Variants in R3HCC1L observed in about 807,000 individuals in gnomAD.
The protein encoded by R3HCC1L is R3H domain and coiled-coil containing 1 like, also known as coiled-coil domain-containing protein R3HCC1L.
A neutral mutation model predicts 59.9 loss-of-function variants in R3HCC1L; 51 were observed. That is an observed-to-expected ratio of 0.85 (90% CI 0.68 to 1.07). The LOEUF (loss-of-function observed/expected upper bound fraction) is 1.07, where lower values mean the gene tolerates loss of function less well. R3HCC1L is among the 50% of genes least tolerant of loss of function. The pLI is 0.00. For synonymous variants in R3HCC1L, 322 were observed against 315.2 expected (o/e 1.02, Z -0.23); for missense variants, 965 against 933.0 (o/e 1.03, Z -0.45).
intron 4 of R3HCC1L, among the ~76,000 whole-genome samples, chr10:98,196,582 A>G (rs1564677446): frequency 6.6e-6 from 1 of 151,982 alleles, no homozygotes; most frequent in Non-Finnish European, 1.5e-5. Flanking sequence ...TTTTGTAGAG[A>G]AAGGGTTTCT....
chr10:98,211,876 T>G (rs1325020564), intron 5 of R3HCC1L, among the ~76,000 whole-genome samples: 1 of 152,072 alleles, frequency 6.6e-6, no homozygotes, highest in Non-Finnish European at 1.5e-5. Flanking sequence ...TTCCAGTGTT[T>G]AGGTGTAAGA....
At chr10:98,141,599 T>G (rs920472702) in intron 1 of R3HCC1L, among the ~76,000 whole-genome samples, 1 of 152,216 alleles carries the variant, frequency 6.6e-6, no homozygotes, top group Non-Finnish European at 1.5e-5. Context: ...TGCTTAAGCC[T>G]TAGCTGGGAA....
At chr10:98,235,357 C>G in intron 7 of R3HCC1L, 68 bp from the exon 8 acceptor site, 1 of 1,280,416 alleles carries the variant, frequency 7.8e-7, no homozygotes, top group Non-Finnish European at 1.1e-6. Context: ...ATACTAAGAG[C>G]TATCCCTAGT....
rs150203744 is a variant in R3HCC1L, at chr10:98,242,110, C to T, written c.2270-1981C>T. ...CTGTCATCCCAGCACTTTGGGAGGCCGAGGTGGGCAGATTACCTGAGCTCA... is the reference window on the plus strand; with the variant it reads ...CTGTCATCCCAGCACTTTGGGAGGCTGAGGTGGGCAGATTACCTGAGCTCA... On this transcript the variant is annotated intron_variant, in intron 9 of 9. Coordinates refer to ENST00000298999, the MANE Select transcript of R3HCC1L (RefSeq NM_001351015.2). Among the ~76,000 whole-genome samples, 1,126 of 152,186 alleles carry T rather than the reference C, an allele frequency of 7.4e-3. 9 individuals carry two copies. Among genetic ancestry groups the T allele is most frequent in the Non-Finnish European group, 0.012 (840 of 67,996 alleles).
rs529743442 is a variant in R3HCC1L, at chr10:98,244,141, G to A, written c.2320G>A (p.Asp774Asn). Residue 774 changes from aspartate to asparagine, a missense_variant, in exon 10 of 10, where the codon GAC (aspartate) becomes AAC (asparagine). Physicochemically the swap from Asp to Asn is conservative, Grantham distance 23. Coordinates refer to ENST00000298999, the MANE Select transcript of R3HCC1L (RefSeq NM_001351015.2). ...KQREDIWEGR[D>N]QSTV Reference sequence around the variant, plus strand: ...ACGGGAAGACATCTGGGAAGGCAGAGACCAGTCTACAGTTTGAACATCACT... The same window carrying A: ...ACGGGAAGACATCTGGGAAGGCAGAAACCAGTCTACAGTTTGAACATCACT... 1 of 1,613,968 alleles carries A rather than the reference G, an allele frequency of 6.2e-7. No homozygotes were observed. The highest frequency in any genetic ancestry group is 1.1e-5 in the South Asian group (1 of 91,062).
At chr10:98,210,450 A>C (rs1007085923) in intron 5 of R3HCC1L, among the ~76,000 whole-genome samples, 1 of 152,214 alleles carries the variant, frequency 6.6e-6, no homozygotes, top group Non-Finnish European at 1.5e-5. Flanking sequence ...ATGCTGGCCA[A>C]TTAGAATTCA....
intron 1 of R3HCC1L, among the ~76,000 whole-genome samples, chr10:98,137,115 G>T (rs2133813511): frequency 6.6e-6 from 1 of 152,186 alleles, no homozygotes; most frequent in African/African-American, 2.4e-5. Flanking sequence ...GGAGCCTGAG[G>T]TAGGGGAATC....
intron 5 of R3HCC1L, among the ~76,000 whole-genome samples, chr10:98,227,836 G>GT (rs1253192046): frequency 6.6e-6 from 1 of 151,658 alleles, no homozygotes; most frequent in African/African-American, 2.4e-5. Context: ...GTGATGTTTG[G>GT]TTTTTTGTCC....
chr10:98,202,354 T>A (rs1852142060), intron 4 of R3HCC1L, among the ~76,000 whole-genome samples: 1 of 152,090 alleles, frequency 6.6e-6, no homozygotes, highest in African/African-American at 2.4e-5. Context: ...TACATAGTAA[T>A]TATACAGTAG....
intron 4 of R3HCC1L, among the ~76,000 whole-genome samples, chr10:98,165,970 G>A (rs571543236): frequency 6.6e-5 from 10 of 152,288 alleles, no homozygotes; most frequent in Admixed American, 1.3e-4. Flanking sequence ...TCAGGAGTTC[G>A]AAACCAGCCT....
At chr10:98,139,637 C>G (rs1844939707) in intron 1 of R3HCC1L, among the ~76,000 whole-genome samples, 1 of 152,114 alleles carries the variant, frequency 6.6e-6, no homozygotes, top group African/African-American at 2.4e-5. Flanking sequence ...TTCCAGTTGT[C>G]AAAGCATTAG....
intron 4 of R3HCC1L, among the ~76,000 whole-genome samples, chr10:98,187,705 G>A (rs141578122): frequency 6.8e-4 from 100 of 147,304 alleles, no homozygotes; most frequent in African/African-American, 2.2e-3. Context: ...AGTGAGTTGA[G>A]TCAAACAGAT....
rs1853107588 is a variant in R3HCC1L, at chr10:98,208,807, G to T, written c.693G>T (p.Glu231Asp). 6.2e-7 allele frequency: 1 copy of T among 1,614,008 alleles called. No homozygotes were observed. Among genetic ancestry groups the T allele is most frequent in the South Asian group, 1.1e-5 (1 of 91,070 alleles). Reference sequence around the variant, plus strand: ...TTTTTAGTTCTGTCATGAAACCTGAGAATATGATTGTACCAATAAAACTAA... The same window carrying T: ...TTTTTAGTTCTGTCATGAAACCTGATAATATGATTGTACCAATAAAACTAA... ...PRVFSSVMKP[E>D]NMIVPIKLSS... The change falls in exon 5 of 10, where the codon GAG becomes GAT. Residue 231 changes from glutamate (E) to aspartate (D), a missense_variant. By Grantham distance (45) the Glu-to-Asp change is conservative. Transcript: ENST00000298999.
intron 5 of R3HCC1L, among the ~76,000 whole-genome samples, chr10:98,223,496 ACTT>A: frequency 6.6e-6 from 1 of 151,092 alleles, no homozygotes; most frequent in Middle Eastern, 3.4e-3. Flanking sequence ...TATAATAGTC[ACTT>A]CTTCAAATTT....
chr10:98,134,938 T>G (rs1844390712), intron 1 of R3HCC1L, among the ~76,000 whole-genome samples: 1 of 152,178 alleles, frequency 6.6e-6, no homozygotes, highest in Admixed American at 6.5e-5. Context: ...CGGGGCTCTT[T>G]TGCACTCACT....
In R3HCC1L at chr10:98,236,130, A is replaced by T. The variant is rs1808425433; in HGVS notation, c.2235A>T (p.Arg745=). Residue 745 remains arginine (R), a synonymous_variant, in exon 9 of 10, where the codon CGA becomes CGT. Transcript: ENST00000298999. The stretch of plus-strand genomic sequence containing the variant: ...GAAGTAAGCAGAGCAAAACCGAACG[A>T]GAAGCAGAGCTCAAGAAACTGCAAG... ...GVRSKQSKTE[R]EAELKKLQEA... 5.6e-6 allele frequency: 9 copies of T among 1,613,836 alleles called. No homozygotes were observed. The highest frequency in any genetic ancestry group is 7.6e-6 in the Non-Finnish European group (9 of 1,179,916).
chr10:98,137,894 TA>T (rs1330351794), intron 1 of R3HCC1L, among the ~76,000 whole-genome samples: 1 of 152,226 alleles, frequency 6.6e-6, no homozygotes, highest in African/African-American at 2.4e-5. Flanking sequence ...TTTTTATTTT[TA>T]TTTTTTTTAA....
chr10:98,205,094 T>C (rs560043509), intron 4 of R3HCC1L, among the ~76,000 whole-genome samples: 1 of 152,312 alleles, frequency 6.6e-6, no homozygotes, highest in East Asian at 1.9e-4. Context: ...ACAGCTATTA[T>C]TAAAAACTAA....
Position 98,231,615 on chromosome 10 carries a change from A to G in R3HCC1L, c.1889A>G (p.His630Arg). ...GACCTCAGTGATTGTGAATTCCCAC[A>G]TGTCATTGAAATTTATGACTTTCCC... Reference protein sequence around the residue: ...DIDLSDCEFPHVIEIYDFPQE... With the variant: ...DIDLSDCEFPRVIEIYDFPQE... The change falls in exon 6 of 10, where the codon CAT becomes CGT. Residue 630 changes from histidine to arginine, a missense_variant. By Grantham distance (29) the His-to-Arg change is conservative (BLOSUM62 0). Coordinates refer to ENST00000298999, the MANE Select transcript of R3HCC1L (RefSeq NM_001351015.2). The G allele has an allele frequency of 6.2e-7, 1 of 1,612,604 alleles. No individual in the cohort carries two copies. Among genetic ancestry groups the G allele is most frequent in the Non-Finnish European group, 8.5e-7 (1 of 1,178,826 alleles).
Sources: gnomAD v4.1 joint callset for allele counts (sites outside exome capture counted in the v4.1 genomes callset) on GRCh38, gnomAD v4.1.1 for gene constraint, MANE v1.5 for transcripts, NCBI Gene and HGNC (gene_info 2026-07-23, HGNC 2026-07-21) for gene names.